CCSER1: variants seen among roughly 807,000 people sequenced by gnomAD.
CCSER1 encodes coiled-coil serine rich protein 1.
CCSER1 carries 41 observed loss-of-function variants against 82.0 expected under a neutral mutation model. The observed-to-expected ratio is 0.50, with a 90% CI of 0.39 to 0.65. CCSER1 has a LOEUF of 0.65. Among genes scored for constraint, CCSER1 ranks in the 30% least tolerant of loss-of-function variants. The pLI is 0.00. For synonymous variants in CCSER1, 414 were observed against 383.9 expected, an observed-to-expected ratio of 1.08 and a Z score of -0.92; for missense variants, 1,119 against 1,064.2, an observed-to-expected ratio of 1.05 and a Z score of -0.72.
intron 3 of CCSER1, among the ~76,000 whole-genome samples, chr4:90,341,574 A>G (rs1313849695): frequency 6.6e-6 from 1 of 152,110 alleles, no homozygotes; most frequent in African/African-American, 2.4e-5. Flanking sequence ...TAGACAACTC[A>G]AATAAAATAG....
At chr4:91,093,140 T>C (rs1177720032) in intron 10 of CCSER1, among the ~76,000 whole-genome samples, 1 of 152,240 alleles carries the variant, frequency 6.6e-6, no homozygotes, top group Non-Finnish European at 1.5e-5. Flanking sequence ...TTCTTCCTTC[T>C]GGGCTGAAGT....
At chr4:90,710,790 T>G (rs1333072676) in intron 6 of CCSER1, among the ~76,000 whole-genome samples, 1 of 152,180 alleles carries the variant, frequency 6.6e-6, no homozygotes, top group Non-Finnish European at 1.5e-5. Flanking sequence ...TTCTTTTTGC[T>G]TAGGATTGTC....
intron 5 of CCSER1, among the ~76,000 whole-genome samples, chr4:90,481,659 T>G (rs575381796): frequency 3.8e-4 from 58 of 152,368 alleles, no homozygotes; most frequent in African/African-American, 1.3e-3. Flanking sequence ...TCTGTTTATA[T>G]GCTGGATTAC....
At chr4:91,290,952 T>C (rs1578128955) in intron 10 of CCSER1, among the ~76,000 whole-genome samples, 1 of 151,894 alleles carries the variant, frequency 6.6e-6, no homozygotes, top group East Asian at 1.9e-4. Context: ...ATTAATGAGC[T>C]AACTAGTAAA....
At chr4:90,986,621 A>G (rs1453090131) in intron 9 of CCSER1, among the ~76,000 whole-genome samples, 1 of 151,682 alleles carries the variant, frequency 6.6e-6, no homozygotes. Flanking sequence ...GTTAGACACC[A>G]AACCACATGC....
intron 3 of CCSER1, among the ~76,000 whole-genome samples, chr4:90,335,576 T>C (rs1266244606): frequency 6.6e-6 from 1 of 152,216 alleles, no homozygotes; most frequent in African/African-American, 2.4e-5. Flanking sequence ...TCCCTTTTCT[T>C]TTTTAGCCCT....
chr4:90,156,568 G>A (rs188335644), intron 1 of CCSER1, among the ~76,000 whole-genome samples: 4,423 of 152,250 alleles, frequency 0.029, 107 homozygotes, highest in South Asian at 0.06. Flanking sequence ...TGTATTGGGT[G>A]CATATATATT....
chr4:91,168,588 G>A (rs532209238), intron 10 of CCSER1, among the ~76,000 whole-genome samples: 11 of 149,336 alleles, frequency 7.4e-5, no homozygotes, highest in Non-Finnish European at 1.5e-4. Flanking sequence ...GCCTCTGCCC[G>A]GCCACCCCAT....
intron 10 of CCSER1, among the ~76,000 whole-genome samples, chr4:91,186,212 G>T (rs1734520109): frequency 1.3e-5 from 2 of 152,108 alleles, no homozygotes; most frequent in African/African-American, 4.8e-5. Flanking sequence ...TTACAGAAGG[G>T]TAGGGATGAA....
chr4:90,385,541 G>A (rs976619859), intron 3 of CCSER1, among the ~76,000 whole-genome samples: 5 of 149,196 alleles, frequency 3.4e-5, no homozygotes, highest in African/African-American at 1.2e-4. Flanking sequence ...CTCACTGCAA[G>A]CTCCACCTCA....
chr4:90,830,088 A>G (rs1306430751), intron 8 of CCSER1, among the ~76,000 whole-genome samples: 1 of 152,222 alleles, frequency 6.6e-6, no homozygotes, highest in Non-Finnish European at 1.5e-5. Context: ...TCGTTTCTAG[A>G]GAGGCAATAC....
At chr4:90,487,425 C>T (rs1767281824) in intron 5 of CCSER1, among the ~76,000 whole-genome samples, 1 of 152,196 alleles carries the variant, frequency 6.6e-6, no homozygotes, top group Admixed American at 6.5e-5. Context: ...TTTTAATGTA[C>T]AGTAGTCATT....
At chr4:90,573,355 T>C (rs1237149593) in intron 5 of CCSER1, among the ~76,000 whole-genome samples, 1 of 152,200 alleles carries the variant, frequency 6.6e-6, no homozygotes, top group African/African-American at 2.4e-5. Context: ...GATACTGTCC[T>C]GGAATATGGG....
At chr4:90,830,369 A>C (rs535663865) in intron 8 of CCSER1, among the ~76,000 whole-genome samples, 3 of 152,188 alleles carry the variant, frequency 2.0e-5, no homozygotes, top group African/African-American at 7.2e-5. Context: ...ATCTAAGCAT[A>C]TGCAAATTAA....
intron 10 of CCSER1, among the ~76,000 whole-genome samples, chr4:91,391,506 G>T (rs551643271): frequency 6.6e-6 from 1 of 152,100 alleles, no homozygotes; most frequent in Admixed American, 6.5e-5. Context: ...TCCCTATGTT[G>T]CCCAGGCTGG....
chr4:90,470,637 C>T (rs1764231487), intron 5 of CCSER1, among the ~76,000 whole-genome samples: 1 of 151,554 alleles, frequency 6.6e-6, no homozygotes, highest in Non-Finnish European at 1.5e-5. Context: ...TCTGTCTGGG[C>T]TTTTCATTTT....
chr4:91,415,966 C>G (rs770840154), intron 10 of CCSER1, among the ~76,000 whole-genome samples: 15 of 152,148 alleles, frequency 9.9e-5, no homozygotes, highest in Non-Finnish European at 2.1e-4. Context: ...GGAATAGTTT[C>G]ACCAGGAATG....
chr4:91,037,232 T>TCACA (rs3043087), intron 9 of CCSER1, among the ~76,000 whole-genome samples: 1,976 of 146,408 alleles, frequency 0.013, 34 homozygotes, highest in African/African-American at 0.045. Context: ...TCTATCTCTG[T>TCACA]CACACACACA....
At chr4:91,068,772 C>A (rs971102301) in intron 9 of CCSER1, among the ~76,000 whole-genome samples, 1 of 152,130 alleles carries the variant, frequency 6.6e-6, no homozygotes. Context: ...AAAAGAAAAG[C>A]ATTGAGACTC....
Sources: allele counts gnomAD v4.1 joint callset (sites outside exome capture counted in the v4.1 genomes callset), GRCh38; gene constraint gnomAD v4.1.1; transcripts MANE v1.5; gene names NCBI Gene and HGNC (gene_info 2026-07-23, HGNC 2026-07-21).